Variants in CNBD1 observed in about 807,000 individuals in gnomAD.
CNBD1 encodes cyclic nucleotide-binding domain-containing protein 1.
CNBD1 carries 71 observed loss-of-function variants against 54.4 expected under a neutral mutation model. The observed-to-expected ratio is 1.30, with a 90% confidence interval of 1.08 to 1.59. The LOEUF (loss-of-function observed/expected upper bound fraction) is 1.59, where lower values mean the gene tolerates loss of function less well. Among genes scored for constraint, CNBD1 ranks in the 40% most tolerant of loss-of-function variants. The probability of loss-of-function intolerance (pLI) is 0.00; values close to 1 mark genes in which losing one functional copy is unlikely to be tolerated. For synonymous variants in CNBD1, 182 were observed against 170.7 expected, an observed-to-expected ratio of 1.07 and a Z score of -0.51; for missense variants, 659 against 518.0, an observed-to-expected ratio of 1.27 and a Z score of -2.64.
At chr8:86,933,179 A>C (rs182103605) in intron 3 of CNBD1, among the ~76,000 whole-genome samples, 268 of 152,232 alleles carry the variant, frequency 1.8e-3, no homozygotes, top group Admixed American at 4.4e-3. Context: ...ATAATTTCTG[A>C]GGCTCTCCAT....
chr8:86,987,612 A>G (rs749188620), intron 4 of CNBD1, among the ~76,000 whole-genome samples: 1 of 152,084 alleles, frequency 6.6e-6, no homozygotes, highest in Non-Finnish European at 1.5e-5. Context: ...AGTTTTTGCC[A>G]ATTCTGTATG....
intron 8 of CNBD1, among the ~76,000 whole-genome samples, chr8:87,294,291 ACTT>A (rs1808836179): frequency 6.6e-6 from 1 of 152,176 alleles, no homozygotes; most frequent in Admixed American, 6.5e-5. Flanking sequence ...ATACATTTCC[ACTT>A]CTTTGCAATG....
chr8:87,267,951 G>A (rs1335727807), intron 6 of CNBD1, among the ~76,000 whole-genome samples: 1 of 152,058 alleles, frequency 6.6e-6, no homozygotes. Context: ...TTGTTTAGTA[G>A]TATTCTGTTT....
intron 8 of CNBD1, among the ~76,000 whole-genome samples, chr8:87,346,727 A>T (rs981207913): frequency 6.6e-6 from 1 of 152,192 alleles, no homozygotes; most frequent in African/African-American, 2.4e-5. Context: ...ATTCCCTAAA[A>T]TAGCATCTTA....
chr8:87,217,832 C>A (rs1192612037), intron 5 of CNBD1, among the ~76,000 whole-genome samples: 1 of 151,836 alleles, frequency 6.6e-6, no homozygotes, highest in African/African-American at 2.4e-5. Context: ...ATTTTAAAAT[C>A]CGTAAAAAGT....
intron 4 of CNBD1, among the ~76,000 whole-genome samples, chr8:86,966,048 C>T (rs1365757427): frequency 6.6e-6 from 1 of 152,122 alleles, no homozygotes; most frequent in Non-Finnish European, 1.5e-5. Context: ...TTTTATGGAC[C>T]TCAAAGGGGA....
intron 8 of CNBD1, among the ~76,000 whole-genome samples, chr8:87,300,191 T>C (rs1332249295): frequency 6.6e-5 from 10 of 152,140 alleles, no homozygotes; most frequent in Admixed American, 2.6e-4. Flanking sequence ...TATAAAGTAT[T>C]TTTAAATATT....
chr8:87,325,600 G>C (rs1387007340), intron 8 of CNBD1, among the ~76,000 whole-genome samples: 5 of 135,508 alleles, frequency 3.7e-5, no homozygotes, highest in Admixed American at 7.3e-5. Context: ...TTTCAAGTCT[G>C]TTTTATCAGA....
At chr8:86,868,612 G>A (rs1379279186) in intron 1 of CNBD1, among the ~76,000 whole-genome samples, 5 of 152,094 alleles carry the variant, frequency 3.3e-5, no homozygotes, top group South Asian at 2.1e-4. Flanking sequence ...ATTTACAGGC[G>A]TGAGCTACCA....
At chr8:87,357,438 C>G (rs1400549974) in intron 10 of CNBD1, among the ~76,000 whole-genome samples, 1 of 152,186 alleles carries the variant, frequency 6.6e-6, no homozygotes, top group Non-Finnish European at 1.5e-5. Context: ...TCCCTTGCAC[C>G]AGTGTACCCA....
intron 2 of CNBD1, among the ~76,000 whole-genome samples, chr8:87,404,925 G>A (rs1213874628): frequency 7.2e-5 from 11 of 151,940 alleles, no homozygotes; most frequent in South Asian, 2.1e-4. Context: ...CTGTATGTAC[G>A]TATCTAGGCC....
chr8:87,356,804 A>G (rs990269247), intron 10 of CNBD1, among the ~76,000 whole-genome samples: 5 of 152,180 alleles, frequency 3.3e-5, no homozygotes, highest in African/African-American at 4.8e-5. Context: ...CCAATATTCA[A>G]GATAATGGGA....
chr8:86,961,771 G>C (rs1350725062), intron 4 of CNBD1, among the ~76,000 whole-genome samples: 1 of 152,254 alleles, frequency 6.6e-6, no homozygotes. Flanking sequence ...CAGCCATGAA[G>C]TAAAAGGCAT....
intron 10 of CNBD1, among the ~76,000 whole-genome samples, chr8:87,379,791 T>G (rs1237591567): frequency 6.6e-6 from 1 of 151,836 alleles, no homozygotes; most frequent in East Asian, 1.9e-4. Context: ...GAAATAATTT[T>G]CTAAAAAATG....
intron 10 of CNBD1, among the ~76,000 whole-genome samples, chr8:87,375,653 A>G (rs1195867362): frequency 1.3e-5 from 2 of 151,890 alleles, no homozygotes; most frequent in African/African-American, 4.8e-5. Context: ...CAAAGCTTCA[A>G]AGAAATGAAT....
intron 4 of CNBD1, among the ~76,000 whole-genome samples, chr8:87,181,818 T>C (rs530816016): frequency 9.2e-5 from 14 of 152,322 alleles, no homozygotes; most frequent in Non-Finnish European, 1.6e-4. Context: ...CTTAGAACTT[T>C]CTTCTTTCTA....
chr8:86,976,272 A>G (rs1419550488), intron 4 of CNBD1, among the ~76,000 whole-genome samples: 1 of 134,016 alleles, frequency 7.5e-6, no homozygotes, highest in Non-Finnish European at 1.6e-5. Context: ...TGTCGTCTAG[A>G]CTTTTTGGGT....
downstream of CNBD1, among the ~76,000 whole-genome samples, chr8:87,384,607 C>T (rs1811147741): frequency 1.3e-5 from 2 of 152,138 alleles, no homozygotes; most frequent in Non-Finnish European, 1.5e-5. Context: ...GAAAGACTAA[C>T]AAACACTTTC....
intron 2 of CNBD1, among the ~76,000 whole-genome samples, chr8:87,392,027 A>G (rs1025891065): frequency 6.6e-6 from 1 of 152,098 alleles, no homozygotes. Context: ...TCTCTAAAGA[A>G]GAATGGCTGA....
Sources: allele counts gnomAD v4.1 joint callset (sites outside exome capture counted in the v4.1 genomes callset), GRCh38; gene constraint gnomAD v4.1.1; transcripts MANE v1.5; gene names NCBI Gene and HGNC (gene_info 2026-07-23, HGNC 2026-07-21).